The following RBM33 variants were observed in gnomAD, a reference collection of about 807,000 sequenced individuals.
The protein encoded by RBM33 is RNA binding motif protein 33.
RBM33 carries 28 observed loss-of-function variants against 132.6 expected under a neutral mutation model. The observed-to-expected ratio is 0.21, with a 90% CI of 0.16 to 0.29. RBM33 has a LOEUF of 0.29. Among genes scored for constraint, RBM33 ranks in the 10% least tolerant of loss-of-function variants. RBM33 has a pLI of 1.00. For synonymous variants in RBM33, 634 were observed against 593.0 expected, an observed-to-expected ratio of 1.07 and a Z score of -1.01; for missense variants, 1,291 against 1,518.5, an observed-to-expected ratio of 0.85 and a Z score of 2.49.
intron 8 of RBM33, among the ~76,000 whole-genome samples, chr7:155,717,724 C>T (rs893255171): frequency 6.6e-6 from 1 of 152,124 alleles, no homozygotes; most frequent in Admixed American, 6.5e-5. Flanking sequence ...CTGATTTAGC[C>T]TCAAGGTGTG....
chr7:155,679,547 A>G (rs1701221677), intron 4 of RBM33, among the ~76,000 whole-genome samples: 1 of 152,256 alleles, frequency 6.6e-6, no homozygotes, highest in African/African-American at 2.4e-5. Context: ...ATGAGGAAAC[A>G]TCGGGAAAAT....
intron 5 of RBM33, among the ~76,000 whole-genome samples, chr7:155,694,489 A>ATG (rs1451788389): frequency 1.3e-5 from 2 of 152,260 alleles, no homozygotes; most frequent in African/African-American, 4.8e-5. Context: ...ATAAGCATAG[A>ATG]TGTAAAGTGT....
intron 9 of RBM33, among the ~76,000 whole-genome samples, chr7:155,727,315 C>G (rs1426007515): frequency 6.6e-6 from 1 of 152,156 alleles, no homozygotes; most frequent in Non-Finnish European, 1.5e-5. Flanking sequence ...AGAGTCTAGC[C>G]AAATGTCACC....
intron 7 of RBM33, 51 bp from the exon 8 acceptor site, chr7:155,711,152 T>G (rs568306084): frequency 1.5e-4 from 208 of 1,421,686 alleles, no homozygotes; most frequent in South Asian, 6.9e-4. Context: ...GAACTTTTGT[T>G]TTTTTTTTTG....
At chr7:155,704,041 G>A (rs1800042517) in intron 6 of RBM33, among the ~76,000 whole-genome samples, 1 of 152,070 alleles carries the variant, frequency 6.6e-6, no homozygotes, top group Non-Finnish European at 1.5e-5. Context: ...CCCAATTTCT[G>A]ACTCTAAAAG....
chr7:155,665,080 C>T, intron 1 of RBM33, 95 bp from the exon 2 acceptor site: 1 of 953,550 alleles, frequency 1.0e-6, no homozygotes, highest in South Asian at 1.4e-5. Context: ...AATGTCAAGT[C>T]AGGAATCCTT....
chr7:155,774,710 C>T lies in RBM33; in HGVS notation c.3464+63C>T, dbSNP rs1802546111. 3 of 1,283,662 alleles carry T rather than the reference C, an allele frequency of 2.3e-6. No homozygotes were observed. Among genetic ancestry groups the T allele is most frequent in the Admixed American group, 1.7e-5 (1 of 59,484 alleles). The allele number at this position is 1,283,662 out of a possible 1,614,324, so 79.5% of individuals were successfully genotyped here. A position where few individuals can be genotyped will look rare whatever the true frequency, so the allele number is the denominator to read the frequency against. ...CGGGAGCAAGGCCCTCCTTCCTGTGCCCTCCCATCCATCATGGTAGCAAGC... is the reference window on the plus strand; with the variant it reads ...CGGGAGCAAGGCCCTCCTTCCTGTGTCCTCCCATCCATCATGGTAGCAAGC... On this transcript the variant is annotated intron_variant, in intron 17 of 17. Coordinates refer to ENST00000401878, the MANE Select transcript of RBM33 (RefSeq NM_053043.3). This position sits in a 1 kb window ranked among gnomAD's most constrained non-coding sequence, Gnocchi z 4.2.
intron 16 of RBM33, among the ~76,000 whole-genome samples, chr7:155,770,536 G>C (rs1172468048): frequency 2.0e-5 from 3 of 149,994 alleles, no homozygotes; most frequent in Non-Finnish European, 3.0e-5. Flanking sequence ...CATCTCTCAT[G>C]ATTTATAAAT....
intron 1 of RBM33, among the ~76,000 whole-genome samples, chr7:155,661,469 G>C (rs745804986): frequency 6.7e-6 from 1 of 149,368 alleles, no homozygotes; most frequent in African/African-American, 2.5e-5. Flanking sequence ...GTGCAGTGGT[G>C]TGGTCTCGGC....
In RBM33 at chr7:155,745,050, G is replaced by A. The variant is rs996542337; in HGVS notation, c.2427G>A (p.Glu809=). 3 of 1,610,522 alleles carry A rather than the reference G, an allele frequency of 1.9e-6. No individual in the cohort carries two copies. Among genetic ancestry groups the A allele is most frequent in the Non-Finnish European group, 2.5e-6 (3 of 1,178,270 alleles). The change falls in exon 14 of 18, where the codon GAG becomes GAA. Residue 809 remains glutamate, a synonymous_variant. Coordinates refer to ENST00000401878, the MANE Select transcript of RBM33 (RefSeq NM_053043.3). The surrounding 1 kb of genome is among the most constrained non-coding windows in gnomAD (Gnocchi z 4.1). ...GAGAAGAAATCCTGAAACAGAAGGA[G>A]TTACGGCGGCAGCAGCAGGCTGGTG... ...RLREEILKQK[E]LRRQQQAGAR...
chr7:155,644,787 C>T lies in RBM33; in HGVS notation c.-90C>T, dbSNP rs1266740059. On this transcript the variant is annotated 5_prime_UTR_variant, in exon 1 of 18. Transcript: ENST00000401878. ...CCTGCAGCCCCCTCCCTTCTCTGTC[C>T]TCCGTCACCCGTACCCGGGCCCGGA... The T allele has an allele frequency of 5.2e-6, 6 of 1,158,254 alleles. No individual in the cohort carries two copies. The highest frequency in any genetic ancestry group is 4.6e-6 in the Non-Finnish European group (4 of 866,356). 71.7% of individuals were successfully genotyped at this position (1,158,254 alleles called of 1,614,324 possible).
chr7:155,699,416 G>A (rs1286355290), intron 5 of RBM33, among the ~76,000 whole-genome samples: 1 of 152,186 alleles, frequency 6.6e-6, no homozygotes, highest in African/African-American at 2.4e-5. Flanking sequence ...CATGGGAGCG[G>A]AGAATAGACG....
chr7:155,673,768 G>GTGCACACA (rs1554469954), intron 3 of RBM33, among the ~76,000 whole-genome samples: 1 of 132,962 alleles, frequency 7.5e-6, no homozygotes, highest in Non-Finnish European at 1.5e-5. Context: ...GCGCATGCGC[G>GTGCACACA]CACACACACA....
intron 5 of RBM33, among the ~76,000 whole-genome samples, chr7:155,698,906 T>G (rs1338930060): frequency 6.6e-6 from 1 of 152,226 alleles, no homozygotes; most frequent in Non-Finnish European, 1.5e-5. Context: ...CATTCATTCA[T>G]TGAAGGACAT....
intron 14 of RBM33, among the ~76,000 whole-genome samples, chr7:155,761,683 T>C (rs923723659): frequency 3.3e-5 from 5 of 152,210 alleles, no homozygotes; most frequent in Admixed American, 6.5e-5. Flanking sequence ...TCTTGGTCAG[T>C]ATCCTTAAAG....
At chr7:155,671,137 T>C (rs1798932893) in intron 2 of RBM33, among the ~76,000 whole-genome samples, 1 of 152,152 alleles carries the variant, frequency 6.6e-6, no homozygotes, top group Non-Finnish European at 1.5e-5. Flanking sequence ...AATTTTCAAA[T>C]GGGGTTATTG....
intron 14 of RBM33, among the ~76,000 whole-genome samples, chr7:155,747,739 G>A (rs943266121): frequency 2.0e-5 from 3 of 152,160 alleles, no homozygotes; most frequent in Admixed American, 6.5e-5. Context: ...CCACATGTTC[G>A]TATCTTAGGG....
In RBM33 at chr7:155,745,669, G is replaced by A. The variant is rs1801494351; in HGVS notation, c.2979+67G>A. 7.2e-7 allele frequency: 1 copy of A among 1,382,726 alleles called. No individual in the cohort carries two copies. The highest frequency in any genetic ancestry group is 1.5e-5 in the African/African-American group (1 of 68,590). The allele number at this position is 1,382,726 out of a possible 1,614,324, so 85.7% of individuals were successfully genotyped here. A position where few individuals can be genotyped will look rare whatever the true frequency, so the allele number is the denominator to read the frequency against. ...ATCACATAGAATGTCCTCATTTGCA[G>A]AGAATGTTTTTGAAGAAAGAATTAA... is the stretch of plus-strand genomic sequence containing the variant. On this transcript the variant is annotated intron_variant, in intron 14 of 17. Transcript: ENST00000401878. The surrounding 1 kb of genome is among the most constrained non-coding windows in gnomAD (Gnocchi z 4.1).
intron 12 of RBM33, 76 bp downstream of exon 12, chr7:155,740,102 G>A (rs763398657): frequency 4.2e-6 from 6 of 1,437,390 alleles, no homozygotes; most frequent in Non-Finnish European, 5.5e-6. Flanking sequence ...GGCATAATAT[G>A]TAGGTTAGAA....
Sources: gnomAD v4.1 joint callset for allele counts (sites outside exome capture counted in the v4.1 genomes callset) on GRCh38, gnomAD v4.1.1 for gene constraint, Gnocchi (gnomAD v3.1) non-coding constraint, MANE v1.5 for transcripts, NCBI Gene and HGNC (gene_info 2026-07-23, HGNC 2026-07-21) for gene names.